The following VAV2 variants were observed in gnomAD, a reference collection of about 807,000 sequenced individuals.
VAV2 encodes the protein guanine nucleotide exchange factor VAV2.
In VAV2, 67 loss-of-function variants were observed where a neutral mutation model predicts 132.5. That is an observed-to-expected ratio of 0.51 (90% CI 0.42 to 0.62). The LOEUF is 0.62. VAV2 is among the 20% of genes least tolerant of loss of function. The pLI is 0.00. For synonymous variants in VAV2, 492 were observed against 443.5 expected (o/e 1.11, Z -1.37); for missense variants, 938 against 1,153.6 (o/e 0.81, Z 2.71).
chr9:133,787,633 C>T (rs1175359864), intron 15 of VAV2, among the ~76,000 whole-genome samples: 3 of 134,116 alleles, frequency 2.2e-5, no homozygotes, highest in African/African-American at 8.1e-5. Context: ...ACCAGGGCTG[C>T]ACACGGTAGC....
At chr9:133,835,766 C>T (rs552384980) in intron 3 of VAV2, among the ~76,000 whole-genome samples, 4 of 152,260 alleles carry the variant, frequency 2.6e-5, no homozygotes, top group East Asian at 1.9e-4. Flanking sequence ...TGTGCTCCTG[C>T]GGGAGGGCAG....
At chr9:133,821,120 C>T (rs3858101) in intron 4 of VAV2, among the ~76,000 whole-genome samples, 31,114 of 152,188 alleles carry the variant, frequency 0.2, 3,913 homozygotes, top group African/African-American at 0.35. Context: ...TCCTGTGGCT[C>T]TGTGGCAGGC....
chr9:133,785,641 C>T, intron 17 of VAV2, 135 bp downstream of exon 17: 1 of 699,538 alleles, frequency 1.4e-6, no homozygotes, highest in African/African-American at 1.8e-5. Context: ...TGGAGGTTGT[C>T]TGTGTCCCTG....
chr9:133,777,402 G>T lies in VAV2; in HGVS notation c.1952C>A (p.Pro651His). The T allele has an allele frequency of 6.2e-7, 1 of 1,613,814 alleles. No homozygotes were observed. Among genetic ancestry groups the T allele is most frequent in the Non-Finnish European group, 8.5e-7 (1 of 1,179,998 alleles). ...YFPSSSVKPC[P>H]VDGRPPISRP... ...GAAAGGACTCACCCTTCCATCCACA[G>T]GGCAGGGCTTCACAGATGAGCTGGG... Residue 651 changes from proline to histidine, a missense_variant, in exon 23 of 30, where the codon CCT becomes CAT. Pro to His is a moderately conservative substitution (Grantham distance 77). Coordinates refer to ENST00000371850, the MANE Select transcript of VAV2 (RefSeq NM_001134398.2).
At chr9:133,906,965 G>A (rs571759217) in intron 2 of VAV2, among the ~76,000 whole-genome samples, 122 of 152,322 alleles carry the variant, frequency 8.0e-4, no homozygotes, top group African/African-American at 2.8e-3. Context: ...GCCTGCCACT[G>A]GGCCCAGCGA....
rs577868875 is a variant in VAV2, at chr9:133,818,261, G to A, written c.450-6045C>T. On this transcript the variant is annotated intron_variant, in intron 4 of 29. Transcript: ENST00000371850. The stretch of plus-strand genomic sequence containing the variant: ...GGCACCTGAAGTCCCAGCTACTCAA[G>A]AGGCTGAGGCAGGAGAATGGCGTGA... 2.0e-5 allele frequency among the ~76,000 whole-genome samples: 3 copies of A among 151,804 alleles called. No homozygotes were observed. The East Asian group carries it at 5.8e-4, about 30-fold the overall frequency.
chr9:133,786,207 G>A (rs1446815411), intron 16 of VAV2, among the ~76,000 whole-genome samples: 7 of 152,232 alleles, frequency 4.6e-5, no homozygotes, highest in Admixed American at 1.3e-4. Context: ...GTGCCTGCAC[G>A]CGTGTCTATG....
At chr9:133,933,625 GTGGATGGATGGA>G (rs1315445880) in intron 2 of VAV2, among the ~76,000 whole-genome samples, 1 of 150,404 alleles carries the variant, frequency 6.6e-6, no homozygotes, top group South Asian at 2.1e-4. Context: ...AAATGAGTGG[GTGGATGGATGGA>G]TGGATGAATG....
intron 1 of VAV2, among the ~76,000 whole-genome samples, chr9:133,963,479 A>C (rs573225013): frequency 1.6e-4 from 25 of 152,182 alleles, no homozygotes; most frequent in Non-Finnish European, 3.1e-4. Flanking sequence ...CCACACTCCA[A>C]GTCGGCCAGC....
intron 2 of VAV2, among the ~76,000 whole-genome samples, chr9:133,894,674 C>T (rs1198585446): frequency 6.6e-6 from 1 of 152,170 alleles, no homozygotes; most frequent in Non-Finnish European, 1.5e-5. Context: ...CCAAGGGGAC[C>T]ACAAACCCCT....
chr9:133,991,692 G>A lies in VAV2; in HGVS notation c.204+383C>T, dbSNP rs1209362762. On this transcript the variant is annotated intron_variant, in intron 1 of 29. Coordinates refer to ENST00000371850, the MANE Select transcript of VAV2 (RefSeq NM_001134398.2). This position sits in a 1 kb window ranked among gnomAD's most constrained non-coding sequence, Gnocchi z 4.8. ...TCCGGCCAGGAGGCGCGAGGCCCAA[G>A]GATGCGACCCACGACGCGCACACCC... is the stretch of plus-strand genomic sequence containing the variant. Among the ~76,000 whole-genome samples the A allele has an allele frequency of 2.0e-5, 3 of 151,438 alleles. No individual in the cohort carries two copies. The highest frequency in any genetic ancestry group is 2.9e-5 in the Non-Finnish European group (2 of 67,812).
chr9:133,964,647 G>A (rs1266995497), intron 1 of VAV2, among the ~76,000 whole-genome samples: 1 of 152,118 alleles, frequency 6.6e-6, no homozygotes, highest in Non-Finnish European at 1.5e-5. Flanking sequence ...TTTATCCCAG[G>A]AATGCAAGGA....
chr9:133,876,629 T>TTCAGCAAG (rs1838277423), intron 2 of VAV2, among the ~76,000 whole-genome samples: 1 of 152,166 alleles, frequency 6.6e-6, no homozygotes, highest in Non-Finnish European at 1.5e-5. Flanking sequence ...TGAGAGATGC[T>TTCAGCAAG]TCAGGCTGCA....
rs1833636412 is a variant in VAV2 at position 133,771,811 on chromosome 9, T to C, written c.2223+148A>G. ...GGCTGGGACATAGCTCTAGCTGTCC[T>C]AGTGCCTTAAAAACCAATTCCCTAA... On this transcript the variant is annotated intron_variant, in intron 26 of 29. Coordinates refer to ENST00000371850, the MANE Select transcript of VAV2 (RefSeq NM_001134398.2). 4.0e-6 allele frequency: 3 copies of C among 746,806 alleles called. No homozygotes were observed. The Admixed American group carries it at 6.5e-5, about 16-fold the overall frequency. 46.3% of individuals were successfully genotyped at this position (746,806 alleles called of 1,614,324 possible). A position where few individuals can be genotyped will look rare whatever the true frequency, so the allele number is the denominator to read the frequency against.
intron 18 of VAV2, 113 bp from the exon 19 acceptor site, chr9:133,783,704 A>C (rs904638865): frequency 1.1e-6 from 1 of 882,700 alleles, no homozygotes; most frequent in East Asian, 2.6e-5. Context: ...GCTGTCTCCC[A>C]GCACACACAT....
intron 3 of VAV2, 179 bp downstream of exon 3, chr9:133,861,195 C>A: frequency 1.4e-5 from 8 of 584,368 alleles, no homozygotes; most frequent in Non-Finnish European, 2.2e-5. Flanking sequence ...GCTGAAGCCT[C>A]CCGCCCCCCA....
chr9:133,792,963 GAGCCACATCA>G (rs2131626454), intron 12 of VAV2, among the ~76,000 whole-genome samples: 1 of 152,164 alleles, frequency 6.6e-6, no homozygotes, highest in Non-Finnish European at 1.5e-5. Flanking sequence ...CTGTGTGTGG[GAGCCACATCA>G]GGCCACATAA....
At chr9:133,956,131 C>T (rs1841770809) in intron 1 of VAV2, among the ~76,000 whole-genome samples, 1 of 152,090 alleles carries the variant, frequency 6.6e-6, no homozygotes, top group African/African-American at 2.4e-5. Flanking sequence ...AACCCAGTGG[C>T]TCTGAATGAA....
chr9:133,819,082 C>A (rs140023297), intron 4 of VAV2, among the ~76,000 whole-genome samples: 1 of 151,702 alleles, frequency 6.6e-6, no homozygotes, highest in Non-Finnish European at 1.5e-5. Flanking sequence ...TCCATGACTA[C>A]GAGGAACATT....
Sources: allele counts gnomAD v4.1 joint callset (sites outside exome capture counted in the v4.1 genomes callset), GRCh38; gene constraint gnomAD v4.1.1; non-coding constraint Gnocchi (gnomAD v3.1); transcripts MANE v1.5; gene names NCBI Gene and HGNC (gene_info 2026-07-23, HGNC 2026-07-21).